Variants in FYB2 observed in about 807,000 individuals in gnomAD.
The protein encoded by FYB2 is FYN binding protein 2, also known as FYN-binding protein 2.
A neutral mutation model predicts 94.1 loss-of-function variants in FYB2; 103 were observed. The observed-to-expected ratio is 1.09, with a 90% CI of 0.93 to 1.29. FYB2 has a LOEUF of 1.29. FYB2 is among the 50% of genes most tolerant of loss of function. FYB2 has a pLI of 0.00. For synonymous variants in FYB2, 293 were observed against 287.9 expected (o/e 1.02, Z -0.18); for missense variants, 896 against 841.5 (o/e 1.06, Z -0.80).
At chr1:56,817,894 C>T (rs547181745) in intron 1 of FYB2, among the ~76,000 whole-genome samples, 1 of 152,314 alleles carries the variant, frequency 6.6e-6, no homozygotes, top group African/African-American at 2.4e-5. Flanking sequence ...ATAGTTGGCA[C>T]TGACACATGT....
chr1:56,736,992 A>G (rs1279261374), intron 15 of FYB2, 95 bp downstream of exon 15: 2 of 947,404 alleles, frequency 2.1e-6, no homozygotes, highest in Non-Finnish European at 3.3e-6. Context: ...TCAATCTCCA[A>G]GGATCTGAAA....
intron 9 of FYB2, among the ~76,000 whole-genome samples, chr1:56,746,326 A>T (rs1645066208): frequency 6.6e-6 from 1 of 151,926 alleles, no homozygotes; most frequent in Non-Finnish European, 1.5e-5. Context: ...GTGTTTACTG[A>T]TATTTTTAAA....
chr1:56,739,927 C>A (rs1644913367), intron 13 of FYB2, among the ~76,000 whole-genome samples: 1 of 152,020 alleles, frequency 6.6e-6, no homozygotes, highest in Non-Finnish European at 1.5e-5. Context: ...TATTGAGACA[C>A]AACCCCATCA....
chr1:56,760,835 C>T (rs1645474989), intron 5 of FYB2, among the ~76,000 whole-genome samples: 1 of 152,236 alleles, frequency 6.6e-6, no homozygotes, highest in East Asian at 1.9e-4. Context: ...GAGGTTCTTT[C>T]GTGGCAAGCT....
intron 8 of FYB2, 82 bp from the exon 9 acceptor site, chr1:56,751,285 C>T (rs536915461): frequency 7.6e-7 from 1 of 1,309,016 alleles, no homozygotes; most frequent in Admixed American, 2.3e-5. Context: ...GTTTTTCATT[C>T]ATTCCTCATG....
upstream of FYB2, chr1:56,819,595 T>C (rs1255715889): frequency 1.5e-5 from 8 of 537,248 alleles, no homozygotes; most frequent in Non-Finnish European, 2.4e-5. Context: ...CTCTTCCCGT[T>C]GCTCCCCTCC....
Position 56,819,302 on chromosome 1 carries a change from A to G in FYB2, c.-12T>C. 1 of 1,614,190 alleles carries G rather than the reference A, an allele frequency of 6.2e-7. No homozygotes were observed. Reference sequence around the variant, plus strand: ...CTTACCCCTTCCATTGCTTTCCTCCAAGGCAGAGTCAGGGAAACAAGCCCA... The same window carrying G: ...CTTACCCCTTCCATTGCTTTCCTCCGAGGCAGAGTCAGGGAAACAAGCCCA... On this transcript the variant is annotated 5_prime_UTR_variant, in exon 1 of 20. Coordinates refer to ENST00000343433, the MANE Select transcript of FYB2 (RefSeq NM_001004303.5).
chr1:56,809,980 T>C (rs10489622), intron 1 of FYB2, among the ~76,000 whole-genome samples: 11,448 of 151,900 alleles, frequency 0.075, 573 homozygotes, highest in South Asian at 0.14. Flanking sequence ...GATAATGATA[T>C]TTTGTTGAAG....
At chr1:56,826,686 A>G in the FYB2 span, 1 of 152,230 alleles carries the variant, frequency 6.6e-6, no homozygotes, top group Non-Finnish European at 1.5e-5. Context: ...TTCATCATTC[A>G]TCCCATAATT....
intron 1 of FYB2, among the ~76,000 whole-genome samples, chr1:56,794,771 G>T (rs1276917618): frequency 2.0e-5 from 3 of 152,078 alleles, no homozygotes; most frequent in Admixed American, 2.0e-4. Context: ...GCCAGCACTG[G>T]GCATGAAATC....
intron 2 of FYB2, among the ~76,000 whole-genome samples, chr1:56,791,261 T>TTC (rs1646257929): frequency 1.7e-5 from 1 of 59,078 alleles, no homozygotes. Context: ...AGTCCTTATC[T>TTC]TTTTTTTTTT....
intron 5 of FYB2, among the ~76,000 whole-genome samples, chr1:56,766,486 T>G: frequency 6.6e-6 from 1 of 151,858 alleles, no homozygotes; most frequent in East Asian, 1.9e-4. Flanking sequence ...TAGGCTGGAG[T>G]GCAGTGGCGC....
intron 16 of FYB2, among the ~76,000 whole-genome samples, chr1:56,724,274 A>T (rs539851506): frequency 2.0e-4 from 30 of 152,072 alleles, no homozygotes; most frequent in Non-Finnish European, 4.3e-4. Context: ...AAATAAAGAA[A>T]GATGCCACAA....
chr1:56,746,762 G>A (rs1016962365), intron 9 of FYB2, among the ~76,000 whole-genome samples: 2 of 151,918 alleles, frequency 1.3e-5, no homozygotes, highest in African/African-American at 4.8e-5. Flanking sequence ...TAAGCATTTT[G>A]TATGTGTGTT....
At chr1:56,758,902 G>C (rs191908771) in intron 5 of FYB2, 152 bp from the exon 6 acceptor site, 19 of 502,210 alleles carry the variant, frequency 3.8e-5, no homozygotes, top group African/African-American at 3.8e-4. Flanking sequence ...GAAAGTTTGG[G>C]AAATTATGGG....
chr1:56,762,518 A>G (rs570686081), intron 5 of FYB2, among the ~76,000 whole-genome samples: 1 of 152,254 alleles, frequency 6.6e-6, no homozygotes, highest in South Asian at 2.1e-4. Flanking sequence ...CAATTTCAGT[A>G]TTTGTATGTT....
intron 16 of FYB2, among the ~76,000 whole-genome samples, chr1:56,723,936 A>G (rs756569676): frequency 1.3e-5 from 2 of 152,064 alleles, no homozygotes; most frequent in Non-Finnish European, 2.9e-5. Context: ...GGTAATGTCA[A>G]TTGCTTTTCG....
At chr1:56,723,130 C>A (rs1644517382) in intron 17 of FYB2, among the ~76,000 whole-genome samples, 1 of 151,824 alleles carries the variant, frequency 6.6e-6, no homozygotes, top group African/African-American at 2.4e-5. Context: ...TTATGTCAGG[C>A]CCTGGGGAAC....
At chr1:56,800,022 A>G (rs1646484517) in intron 1 of FYB2, among the ~76,000 whole-genome samples, 1 of 152,232 alleles carries the variant, frequency 6.6e-6, no homozygotes, top group Admixed American at 6.5e-5. Flanking sequence ...ATGTCTGCAC[A>G]TTGCTAACTG....
Sources: gnomAD v4.1 joint callset for allele counts (sites outside exome capture counted in the v4.1 genomes callset) on GRCh38, gnomAD v4.1.1 for gene constraint, MANE v1.5 for transcripts, NCBI Gene and HGNC (gene_info 2026-07-23, HGNC 2026-07-21) for gene names.